SMG1: variants seen among roughly 807,000 people sequenced by gnomAD.
SMG1 encodes the protein serine/threonine-protein kinase SMG1.
SMG1 carries 22 observed loss-of-function variants against 419.9 expected under a neutral mutation model. The ratio of observed to expected loss-of-function variants is 0.05; its 90% confidence interval spans 0.04 to 0.07. The LOEUF (loss-of-function observed/expected upper bound fraction) is 0.07. Among genes scored for constraint, SMG1 ranks in the 10% least tolerant of loss-of-function variants. The pLI, the probability that SMG1 is intolerant of heterozygous loss-of-function variation, is 1.00. For synonymous variants in SMG1, 1,538 were observed against 1,553.5 expected, an observed-to-expected ratio of 0.99 and a Z score of 0.23; for missense variants, 3,185 against 4,342.0, an observed-to-expected ratio of 0.73 and a Z score of 7.49.
intron 39 of SMG1, among the ~76,000 whole-genome samples, chr16:18,844,702 T>C (rs189361723): frequency 2.6e-5 from 4 of 151,894 alleles, no homozygotes; most frequent in Admixed American, 6.6e-5. Flanking sequence ...AAGTTGGCTG[T>C]ACTTTTTGTT....
intron 45 of SMG1, 67 bp downstream of exon 45, chr16:18,837,947 T>A: frequency 6.6e-7 from 1 of 1,518,964 alleles, no homozygotes; most frequent in Non-Finnish European, 9.0e-7. Flanking sequence ...TGCCTCAACA[T>A]TTTGATGAGC....
At chr16:18,919,148 G>A (rs2038088718) in intron 1 of SMG1, among the ~76,000 whole-genome samples, 1 of 152,002 alleles carries the variant, frequency 6.6e-6, no homozygotes, top group African/African-American at 2.4e-5. Flanking sequence ...TCGACATGGT[G>A]AAACCCCATC....
At chr16:18,851,828 C>T (rs1053310531) in intron 33 of SMG1, among the ~76,000 whole-genome samples, 1 of 152,150 alleles carries the variant, frequency 6.6e-6, no homozygotes, top group African/African-American at 2.4e-5. Context: ...CAGGTGTGAG[C>T]CACCGTGCCA....
intron 55 of SMG1, among the ~76,000 whole-genome samples, chr16:18,820,907 C>T (rs1362619692): frequency 6.6e-6 from 1 of 152,094 alleles, no homozygotes; most frequent in Non-Finnish European, 1.5e-5. Flanking sequence ...ATACACATAA[C>T]TTTCATTAAG....
At chr16:18,865,840 A>AT (rs2035473109) in intron 23 of SMG1, among the ~76,000 whole-genome samples, 2 of 151,904 alleles carry the variant, frequency 1.3e-5, no homozygotes, top group African/African-American at 4.8e-5. Flanking sequence ...TATTTTTTGT[A>AT]TTTTTAGTAG....
intron 6 of SMG1, among the ~76,000 whole-genome samples, chr16:18,886,921 T>C (rs565900637): frequency 6.6e-5 from 10 of 152,212 alleles, no homozygotes; most frequent in Non-Finnish European, 1.3e-4. Context: ...TTACAGAAAT[T>C]TGAATATAGA....
In SMG1 at chr16:18,845,462, T is replaced by C; in HGVS notation, c.6186A>G (p.Ala2062=). 1 of 1,613,992 alleles carries C rather than the reference T, an allele frequency of 6.2e-7. No individual in the cohort carries two copies. Among genetic ancestry groups the C allele is most frequent in the Non-Finnish European group, 8.5e-7 (1 of 1,179,890 alleles). ...ATGGAATCCAGCTGCTCCCAGGCTTTGCAGGGTTCAATGGAGTCTTCAGTT... is the reference window on the plus strand; with the variant it reads ...ATGGAATCCAGCTGCTCCCAGGCTTCGCAGGGTTCAATGGAGTCTTCAGTT... ...LEKLKTPLNP[A]KPGSSWIPFK... is the part of the protein sequence containing the mutation. Residue 2062 remains alanine (A), a synonymous_variant, in exon 39 of 63, where the codon GCA becomes GCG. Transcript: ENST00000446231.
chr16:18,862,690 C>T (rs146520248), intron 25 of SMG1, among the ~76,000 whole-genome samples: 34,049 of 152,124 alleles, frequency 0.22, 4,778 homozygotes, highest in Non-Finnish European at 0.31. Context: ...GAATGAACCA[C>T]CAAGTCAGAT....
chr16:18,838,312 C>T (rs757573195), intron 44 of SMG1, 45 bp downstream of exon 44: 4 of 1,606,768 alleles, frequency 2.5e-6, no homozygotes, highest in South Asian at 1.1e-5. Context: ...ACAGGTTTTG[C>T]TCATTTAACA....
In SMG1 at chr16:18,809,307, A is replaced by ACG. The variant is rs1233689305; in HGVS notation, c.*261_*262insCG. On this transcript the variant is annotated 3_prime_UTR_variant, in exon 63 of 63. Coordinates refer to ENST00000446231, the MANE Select transcript of SMG1 (RefSeq NM_015092.5). ...CGTCTGCTGCTGTTCTGTGGCAGAA[A>ACG]GACAATCTCCGTGTTCAGGCGGTGA... The ACG allele has an allele frequency of 8.6e-6, 4 of 462,786 alleles. No homozygotes were observed. In the East Asian group the frequency reaches 1.5e-4, roughly 17 times the overall value. 28.7% of individuals were successfully genotyped at this position (462,786 alleles called of 1,614,324 possible). A position where few individuals can be genotyped will look rare whatever the true frequency, so the allele number is the denominator to read the frequency against.
intron 22 of SMG1, 133 bp from the exon 23 acceptor site, chr16:18,866,908 A>C: frequency 3.2e-6 from 2 of 631,168 alleles, no homozygotes; most frequent in South Asian, 4.0e-5. Flanking sequence ...TTTTCACATT[A>C]TTTAGCTCAG....
chr16:18,873,165 AC>A (rs2035917049), intron 13 of SMG1, among the ~76,000 whole-genome samples: 1 of 152,148 alleles, frequency 6.6e-6, no homozygotes, highest in African/African-American at 2.4e-5. Context: ...TCAAAACAAA[AC>A]AAAAAACACC....
Position 18,866,710 on chromosome 16 carries a change from T to C in SMG1, c.3261A>G (p.Glu1087=). ...VEALCELHCP[E]AIQGIAVWSS... ...ACCAGACAGCAATTCCCTGTATAGCTTCAGGACAATGAAGTTCACATAATG... is the reference window on the plus strand; with the variant it reads ...ACCAGACAGCAATTCCCTGTATAGCCTCAGGACAATGAAGTTCACATAATG... The change falls in exon 23 of 63, where the codon GAA becomes GAG. Residue 1087 remains glutamate, a synonymous_variant. Transcript: ENST00000446231. The C allele has an allele frequency of 6.3e-7, 1 of 1,596,716 alleles. No individual in the cohort carries two copies. Among genetic ancestry groups the C allele is most frequent in the East Asian group, 2.2e-5 (1 of 44,862 alleles).
At chr16:18,840,691 C>T (rs1263387508) in intron 41 of SMG1, among the ~76,000 whole-genome samples, 1 of 152,016 alleles carries the variant, frequency 6.6e-6, no homozygotes, top group African/African-American at 2.4e-5. Context: ...TGATTAATTC[C>T]AAATTTAAAG....
At chr16:18,815,404 T>C (rs2031913058) in intron 59 of SMG1, 36 bp downstream of exon 59, 9 of 1,605,366 alleles carry the variant, frequency 5.6e-6, no homozygotes, top group Non-Finnish European at 6.8e-6. Context: ...GTTTTGTACT[T>C]ATGTTTTATA....
chr16:18,909,016 T>C (rs1221194957), intron 1 of SMG1, among the ~76,000 whole-genome samples: 1 of 151,994 alleles, frequency 6.6e-6, no homozygotes, highest in Non-Finnish European at 1.5e-5. Flanking sequence ...TTATAAGATT[T>C]TCTAACAATT....
chr16:18,821,253 T>TTTTTTTTTTTTTTC (rs2032535390), intron 55 of SMG1, among the ~76,000 whole-genome samples: 1 of 24,844 alleles, frequency 4.0e-5, no homozygotes, highest in African/African-American at 2.3e-4. Context: ...TTTTTTTTTC[T>TTTTTTTTTTTTTTC]TTTTTTTTTT....
intron 25 of SMG1, chr16:18,861,006 C>T (rs1477020481): frequency 4.8e-6 from 2 of 415,072 alleles, no homozygotes; most frequent in African/African-American, 2.2e-5. Flanking sequence ...CAGCTACAGA[C>T]TTTCAGTGGA....
chr16:18,915,751 G>A (rs1015213113), intron 1 of SMG1, among the ~76,000 whole-genome samples: 1 of 152,096 alleles, frequency 6.6e-6, no homozygotes, highest in Non-Finnish European at 1.5e-5. Context: ...CAGGTGTATA[G>A]ATTTGTCAAA....
Sources: allele counts gnomAD v4.1 joint callset (sites outside exome capture counted in the v4.1 genomes callset), GRCh38; gene constraint gnomAD v4.1.1; transcripts MANE v1.5; gene names NCBI Gene and HGNC (gene_info 2026-07-23, HGNC 2026-07-21).